The following SEMA3A variants were observed in gnomAD, a reference collection of about 807,000 sequenced individuals.
The protein encoded by SEMA3A is semaphorin-3A.
A neutral mutation model predicts 97.9 loss-of-function variants in SEMA3A; 29 were observed. That is an observed-to-expected ratio of 0.30 (90% CI 0.22 to 0.40). The LOEUF (loss-of-function observed/expected upper bound fraction) is 0.40. Among genes scored for constraint, SEMA3A ranks in the 10% least tolerant of loss-of-function variants. The pLI is 1.00. For synonymous variants in SEMA3A, 321 were observed against 323.7 expected, an observed-to-expected ratio of 0.99 and a Z score of 0.09; for missense variants, 763 against 951.3, an observed-to-expected ratio of 0.80 and a Z score of 2.60.
Position 84,004,160 on chromosome 7 carries a change from T to C in SEMA3A, c.1360+1179A>G, listed in dbSNP as rs187551094. On this transcript the variant is annotated intron_variant, in intron 11 of 16. Coordinates refer to ENST00000265362, the MANE Select transcript of SEMA3A (RefSeq NM_006080.3). Reference sequence around the variant, plus strand: ...CATTGATTTATGTCAGTTAACAGCGTTAATGGAGACTAGAAATTTATTACC... The same window carrying C: ...CATTGATTTATGTCAGTTAACAGCGCTAATGGAGACTAGAAATTTATTACC... Among the ~76,000 whole-genome samples the C allele has an allele frequency of 2.0e-5, 3 of 152,192 alleles. No individual in the cohort carries two copies. The East Asian group carries it at 5.8e-4, about 29-fold the overall frequency.
At position 84,099,285 on chromosome 7, in the gene SEMA3A, T is replaced by A. The variant is rs1029685266; in HGVS notation, c.453+11185A>T. On this transcript the variant is annotated intron_variant, in intron 4 of 16. Coordinates refer to ENST00000265362, the MANE Select transcript of SEMA3A (RefSeq NM_006080.3). The stretch of plus-strand genomic sequence containing the variant: ...CGGTGTTTCACCGTGTTAGCCAGGA[T>A]GGTCTCGATCTCCTGACCTCGTGAT... Among the ~76,000 whole-genome samples, 10 of 136,542 alleles carry A rather than the reference T, an allele frequency of 7.3e-5. 2 individuals are homozygous for A. The highest frequency in any genetic ancestry group is 1.7e-4 in the Non-Finnish European group (10 of 60,176). The allele number at this position is 136,542 out of a possible 152,430, so 89.6% of individuals were successfully genotyped here.
At chr7:84,027,695 G>A (rs566371625) in intron 6 of SEMA3A, among the ~76,000 whole-genome samples, 1 of 152,276 alleles carries the variant, frequency 6.6e-6, no homozygotes, top group East Asian at 1.9e-4. Context: ...CCTTCATGGA[G>A]ATGAGGTGGC....
rs527457215 is a variant in SEMA3A at position 84,183,010 on chromosome 7, A to G, written c.112+11465T>C. On this transcript the variant is annotated intron_variant, in intron 1 of 16. Transcript: ENST00000265362. ...AAAAGCTAGAGAATACACACAAGTA[A>G]ACCACTATGAGGGAGCAAAGCACTG... Among the ~76,000 whole-genome samples, 5 of 152,296 alleles carry G rather than the reference A, an allele frequency of 3.3e-5. No homozygotes were observed. In the East Asian group the frequency reaches 9.6e-4, roughly 29 times the overall value.
At chr7:84,346,523 T>C (rs938538743) in intron 2 of SEMA3A, among the ~76,000 whole-genome samples, 1 of 152,162 alleles carries the variant, frequency 6.6e-6, no homozygotes, top group African/African-American at 2.4e-5. Flanking sequence ...AGGCTATTAA[T>C]TGGCCTAATA....
intron 3 of SEMA3A, among the ~76,000 whole-genome samples, chr7:84,285,703 T>C (rs1483495627): frequency 6.6e-6 from 1 of 152,048 alleles, no homozygotes; most frequent in Non-Finnish European, 1.5e-5. Flanking sequence ...TCCCAGCACT[T>C]TGGAAGACCT....
upstream of SEMA3A, among the ~76,000 whole-genome samples, chr7:84,198,181 C>T (rs772677333): frequency 6.6e-6 from 1 of 151,944 alleles, no homozygotes; most frequent in Non-Finnish European, 1.5e-5. Flanking sequence ...ATTATATTGG[C>T]CTTTTTTTAT....
chr7:84,089,969 T>A (rs1049996922), intron 4 of SEMA3A, among the ~76,000 whole-genome samples: 1 of 151,976 alleles, frequency 6.6e-6, no homozygotes, highest in Non-Finnish European at 1.5e-5. Context: ...AAAATATATT[T>A]TAAAATACTA....
At chr7:84,248,859 G>C (rs1799534798) in intron 3 of SEMA3A, among the ~76,000 whole-genome samples, 1 of 151,984 alleles carries the variant, frequency 6.6e-6, no homozygotes, top group African/African-American at 2.4e-5. Context: ...CCCACTATGA[G>C]GGAGTGTGAG....
chr7:84,041,138 T>G (rs1352546595), intron 6 of SEMA3A, among the ~76,000 whole-genome samples: 1 of 152,050 alleles, frequency 6.6e-6, no homozygotes, highest in Non-Finnish European at 1.5e-5. Context: ...TATATTGCCA[T>G]TAATGAGTTA....
intron 1 of SEMA3A, among the ~76,000 whole-genome samples, chr7:84,463,443 T>C (rs899696058): frequency 2.6e-5 from 4 of 151,936 alleles, no homozygotes; most frequent in East Asian, 3.9e-4. Flanking sequence ...AGAGACGGGG[T>C]TTCACCGTGT....
intron 2 of SEMA3A, among the ~76,000 whole-genome samples, chr7:84,330,330 T>C (rs911682753): frequency 3.3e-5 from 5 of 152,030 alleles, no homozygotes; most frequent in African/African-American, 7.2e-5. Context: ...AAATAAAGTA[T>C]GGGTGAGAAA....
intron 3 of SEMA3A, among the ~76,000 whole-genome samples, chr7:84,113,628 A>T (rs3801650): frequency 0.48 from 73,393 of 151,966 alleles, 19,028 homozygotes; most frequent in East Asian, 0.69. Flanking sequence ...GAGTGGAATC[A>T]GTTCAAAATG....
intron 3 of SEMA3A, among the ~76,000 whole-genome samples, chr7:84,295,515 T>C (rs1429126671): frequency 2.0e-5 from 3 of 152,042 alleles, no homozygotes; most frequent in Admixed American, 2.0e-4. Context: ...TAGGTTTCCA[T>C]AACTAGGCTT....
intron 6 of SEMA3A, among the ~76,000 whole-genome samples, chr7:84,026,539 T>G (rs959193473): frequency 6.6e-6 from 1 of 152,174 alleles, no homozygotes. Context: ...TAAAGACACA[T>G]GCACATGAAT....
At chr7:84,024,033 A>T (rs2116447096) in intron 6 of SEMA3A, among the ~76,000 whole-genome samples, 1 of 149,920 alleles carries the variant, frequency 6.7e-6, no homozygotes, top group African/African-American at 2.5e-5. Flanking sequence ...AAAAAAAATT[A>T]GTTCACAGAA....
chr7:84,414,585 G>A (rs944607526), intron 1 of SEMA3A, among the ~76,000 whole-genome samples: 30 of 152,004 alleles, frequency 2.0e-4, no homozygotes, highest in Non-Finnish European at 1.3e-4. Context: ...ATAATAGGAA[G>A]TACACAACAT....
At chr7:84,315,053 C>G (rs960492485) in intron 2 of SEMA3A, among the ~76,000 whole-genome samples, 7 of 152,114 alleles carry the variant, frequency 4.6e-5, no homozygotes, top group Non-Finnish European at 8.8e-5. Context: ...TTTCTACTCA[C>G]TGTTCTAGCT....
rs112959699 is a variant in SEMA3A at position 84,475,025 on chromosome 7, T to C, written c.-246+17435A>G. 3.7e-3 allele frequency among the ~76,000 whole-genome samples: 569 copies of C among 152,280 alleles called. 4 individuals carry two copies. The highest frequency in any genetic ancestry group is 0.013 in the African/African-American group (550 of 41,552). On this transcript the variant is annotated intron_variant, in intron 1 of 3. Coordinates refer to the SEMA3A transcript ENST00000424555. ...TGAAACATCTGTGACATCATTCTTC[T>C]TACCTAAGGCCTCAGATGGGCTGGA...
intron 3 of SEMA3A, among the ~76,000 whole-genome samples, chr7:84,283,022 G>A (rs538470890): frequency 2.7e-5 from 4 of 149,062 alleles, no homozygotes; most frequent in East Asian, 2.0e-4. Flanking sequence ...TAAAAAAAAA[G>A]CATTTTTTTT....
Sources: allele counts gnomAD v4.1 joint callset (sites outside exome capture counted in the v4.1 genomes callset), GRCh38; gene constraint gnomAD v4.1.1; transcripts MANE v1.5; gene names NCBI Gene and HGNC (gene_info 2026-07-23, HGNC 2026-07-21).